Variants in GLIS3 observed in about 807,000 individuals in gnomAD.
GLIS3 encodes GLIS family zinc finger 3.
A neutral mutation model predicts 78.6 loss-of-function variants in GLIS3; 53 were observed. The ratio of observed to expected loss-of-function variants is 0.67; its 90% CI spans 0.54 to 0.85. GLIS3 has a LOEUF of 0.85. Ranked by LOEUF, GLIS3 falls within the 40% of genes least tolerant of loss-of-function variation. GLIS3 has a pLI of 0.00. For missense variants in GLIS3, 1,703 were observed against 1,231.1 expected (o/e 1.38, Z -5.74); for synonymous variants, 684 against 509.9 (o/e 1.34, Z -4.60).
intron 4 of GLIS3, among the ~76,000 whole-genome samples, chr9:4,037,715 A>T (rs1262411920): frequency 6.6e-6 from 1 of 152,216 alleles, no homozygotes; most frequent in African/African-American, 2.4e-5. Flanking sequence ...CGGAGTCACC[A>T]TTCTCTTGAA....
At chr9:4,285,947 G>C in intron 2 of GLIS3, 91 bp downstream of exon 2, 1 of 1,444,738 alleles carries the variant, frequency 6.9e-7, no homozygotes, top group Non-Finnish European at 9.7e-7. Context: ...ACTGAATCAT[G>C]TATTTTTCCA....
At chr9:4,331,740 T>G (rs1199565153) in intron 2 of GLIS3, among the ~76,000 whole-genome samples, 1 of 152,084 alleles carries the variant, frequency 6.6e-6, no homozygotes, top group Non-Finnish European at 1.5e-5. Flanking sequence ...TTCCCAAAGT[T>G]CAGAATGTCT....
chr9:4,220,050 A>C (rs1821184969), intron 2 of GLIS3, among the ~76,000 whole-genome samples: 1 of 152,212 alleles, frequency 6.6e-6, no homozygotes, highest in East Asian at 1.9e-4. Context: ...TCAAAGAATA[A>C]TAAGGACATT....
chr9:4,024,842 T>G (rs1426982644), intron 4 of GLIS3, among the ~76,000 whole-genome samples: 1 of 152,194 alleles, frequency 6.6e-6, no homozygotes, highest in Non-Finnish European at 1.5e-5. Flanking sequence ...AGATCTGTGA[T>G]TCTTAGATTG....
At chr9:4,046,801 G>T (rs1341551837) in intron 4 of GLIS3, among the ~76,000 whole-genome samples, 1 of 152,156 alleles carries the variant, frequency 6.6e-6, no homozygotes, top group African/African-American at 2.4e-5. Flanking sequence ...GGCAAGTATG[G>T]GTTGAGAGAC....
chr9:4,315,065 C>G (rs898406838), intron 2 of GLIS3, among the ~76,000 whole-genome samples: 1 of 152,220 alleles, frequency 6.6e-6, no homozygotes, highest in Non-Finnish European at 1.5e-5. Flanking sequence ...CTCTCCTGCT[C>G]TTCTGTGTAC....
At chr9:3,830,357 T>C (rs1207413697) in intron 9 of GLIS3, among the ~76,000 whole-genome samples, 1 of 152,212 alleles carries the variant, frequency 6.6e-6, no homozygotes, top group East Asian at 1.9e-4. Context: ...TGGAGTATAA[T>C]ATGCTTCTGA....
At chr9:4,435,309 G>A in the GLIS3 span, among the ~76,000 whole-genome samples, 35 of 147,240 alleles carry the variant, frequency 2.4e-4, no homozygotes, top group East Asian at 3.7e-3. Context: ...AGTGTAGATT[G>A]AATGGGATTA....
intron 3 of GLIS3, among the ~76,000 whole-genome samples, chr9:4,120,998 G>A (rs748519453): frequency 9.9e-5 from 15 of 152,148 alleles, no homozygotes; most frequent in Non-Finnish European, 1.9e-4. Flanking sequence ...AGCCATGCAG[G>A]CACATTATAT....
intron 2 of GLIS3, among the ~76,000 whole-genome samples, chr9:4,222,009 G>A (rs955163716): frequency 9.2e-5 from 14 of 152,212 alleles, no homozygotes; most frequent in Non-Finnish European, 1.8e-4. Flanking sequence ...GAAAGGGAAG[G>A]AGAAGCTACT....
Position 4,110,691 on chromosome 9 carries a change from G to A in GLIS3, c.1710+7077C>T, listed in dbSNP as rs548276378. 2.0e-5 allele frequency among the ~76,000 whole-genome samples: 3 copies of A among 152,086 alleles called. No homozygotes were observed. In the South Asian group the frequency reaches 6.2e-4, roughly 31 times the overall value. ...CAAGCCTTCCCTACTCAGGCTCTGG[G>A]CTAGCCAACCACAGATCCACTGTCC... is the stretch of plus-strand genomic sequence containing the variant. On this transcript the variant is annotated intron_variant, in intron 4 of 10. Transcript: ENST00000381971.
the GLIS3 span, chr9:4,386,310 A>T: frequency 6.6e-6 from 1 of 152,206 alleles, no homozygotes; most frequent in Middle Eastern, 3.2e-3. Flanking sequence ...ACATTTTCAT[A>T]GCCAAATCTT....
At chr9:3,848,476 TG>T (rs1293258916) in intron 9 of GLIS3, among the ~76,000 whole-genome samples, 1 of 152,224 alleles carries the variant, frequency 6.6e-6, no homozygotes, top group Non-Finnish European at 1.5e-5. Context: ...CACTCCAGCC[TG>T]GACGACAAGA....
At chr9:4,169,686 T>A (rs1410253773) in intron 2 of GLIS3, among the ~76,000 whole-genome samples, 1 of 152,142 alleles carries the variant, frequency 6.6e-6, no homozygotes, top group African/African-American at 2.4e-5. Context: ...ATTAACGTAT[T>A]TAGGGGTAAA....
intron 2 of GLIS3, among the ~76,000 whole-genome samples, chr9:4,320,165 T>C (rs540380600): frequency 2.0e-5 from 3 of 152,310 alleles, no homozygotes; most frequent in Non-Finnish European, 4.4e-5. Context: ...ACTTTTGACA[T>C]GTCATGTTTT....
chr9:3,999,017 A>T (rs1015209326), intron 4 of GLIS3, among the ~76,000 whole-genome samples: 5 of 147,642 alleles, frequency 3.4e-5, no homozygotes, highest in Non-Finnish European at 7.4e-5. Context: ...TTCTTTCTAT[A>T]AAAAAAGGTG....
At chr9:4,321,286 G>A (rs1308312184) in intron 2 of GLIS3, among the ~76,000 whole-genome samples, 2 of 130,942 alleles carry the variant, frequency 1.5e-5, no homozygotes, top group African/African-American at 7.3e-5. Flanking sequence ...GCCGGGAGTG[G>A]TGGCGGGCGC....
At chr9:4,071,031 T>C (rs1827560048) in intron 4 of GLIS3, 1 of 152,224 alleles carries the variant, frequency 6.6e-6, no homozygotes, top group Middle Eastern at 3.2e-3. Context: ...AACTTGTTTA[T>C]GATGCTTTGA....
intron 8 of GLIS3, among the ~76,000 whole-genome samples, chr9:3,865,975 C>G (rs1364635752): frequency 6.6e-6 from 1 of 152,128 alleles, no homozygotes; most frequent in Non-Finnish European, 1.5e-5. Flanking sequence ...GGGAGAGTGC[C>G]CCACAGAAAC....
Sources: allele counts gnomAD v4.1 joint callset (sites outside exome capture counted in the v4.1 genomes callset), GRCh38; gene constraint gnomAD v4.1.1; transcripts MANE v1.5; gene names NCBI Gene and HGNC (gene_info 2026-07-23, HGNC 2026-07-21).